STAB2: variants seen among roughly 807,000 people sequenced by gnomAD.
STAB2 encodes the protein stabilin 2.
Under a neutral mutation model 338.1 loss-of-function variants are expected in STAB2, and 288 were observed. The ratio of observed to expected loss-of-function variants is 0.85; its 90% CI spans 0.77 to 0.94. The LOEUF is 0.94. STAB2 is among the 40% of genes least tolerant of loss of function. The probability of loss-of-function intolerance (pLI) is 0.00; values close to 1 mark genes in which losing one functional copy is unlikely to be tolerated. For synonymous variants in STAB2, 1,202 were observed against 1,193.3 expected (o/e 1.01, Z -0.15); for missense variants, 3,141 against 3,210.1 (o/e 0.98, Z 0.52).
At position 103,689,872 on chromosome 12, in the gene STAB2, A is replaced by T; in HGVS notation, c.3072A>T (p.Ser1024=). The T allele has an allele frequency of 6.2e-7, 1 of 1,614,060 alleles. No homozygotes were observed. The highest frequency in any genetic ancestry group is 8.5e-7 in the Non-Finnish European group (1 of 1,179,982). ...INNASLQPTL[S]ATSNLTVLVP... ...ATGCTTCTCTACAACCCACACTGTC[A>T]GCCACCTCAAACCTCACTGTCCTCG... Residue 1024 remains serine (S), a synonymous_variant, in exon 29 of 69, where the codon TCA becomes TCT. Transcript: ENST00000388887.
At chr12:103,752,719 T>C (rs1317375259) in intron 60 of STAB2, among the ~76,000 whole-genome samples, 1 of 152,216 alleles carries the variant, frequency 6.6e-6, no homozygotes, top group East Asian at 1.9e-4. Flanking sequence ...AAAATCATGT[T>C]ACCAGAGAAA....
At chr12:103,602,146 A>C (rs1956963642) in intron 3 of STAB2, among the ~76,000 whole-genome samples, 1 of 152,198 alleles carries the variant, frequency 6.6e-6, no homozygotes, top group Admixed American at 6.5e-5. Context: ...TCCCTGGAAA[A>C]TACTAACCTG....
chr12:103,766,704 A>C lies in STAB2; in HGVS notation c.*368A>C. The C allele has an allele frequency of 5.2e-6, 1 of 191,832 alleles. No individual in the cohort carries two copies. Among genetic ancestry groups the C allele is most frequent in the Non-Finnish European group, 1.1e-5 (1 of 91,280 alleles). The allele number at this position is 191,832 out of a possible 1,614,324, so 11.9% of individuals were successfully genotyped here. A position where few individuals can be genotyped will look rare whatever the true frequency, so the allele number is the denominator to read the frequency against. ...CAGGAACTGTGCACAATAAAGGTTT[A>C]TGGAACAGAAACAAAGTCAACAGAA... On this transcript the variant is annotated 3_prime_UTR_variant, in exon 69 of 69. Transcript: ENST00000388887.
rs761394444 is a variant in STAB2, at chr12:103,740,773, C to T, written c.5881+17C>T. On this transcript the variant is annotated intron_variant, in intron 55 of 68. Coordinates refer to ENST00000388887, the MANE Select transcript of STAB2 (RefSeq NM_017564.10). Reference sequence around the variant, plus strand: ...ACTGTCAGGGTGAGGGTGCCTCTTCCCCCCTCGCAACTCTAAAAGTGGTAA... The same window carrying T: ...ACTGTCAGGGTGAGGGTGCCTCTTCTCCCCTCGCAACTCTAAAAGTGGTAA... 1 of 1,556,502 alleles carries T rather than the reference C, an allele frequency of 6.4e-7. No individual in the cohort carries two copies. Among genetic ancestry groups the T allele is most frequent in the South Asian group, 1.2e-5 (1 of 81,602 alleles).
chr12:103,728,316 G>A (rs945818994), intron 47 of STAB2, among the ~76,000 whole-genome samples: 1 of 151,858 alleles, frequency 6.6e-6, no homozygotes, highest in Non-Finnish European at 1.5e-5. Flanking sequence ...TACCATGTGG[G>A]CCAGGCTGGT....
At chr12:103,674,174 C>A in intron 23 of STAB2, 87 bp downstream of exon 23, 1 of 1,451,814 alleles carries the variant, frequency 6.9e-7, no homozygotes, top group South Asian at 1.3e-5. Context: ...TACCTGTAGA[C>A]GGAGCCAACC....
intron 60 of STAB2, among the ~76,000 whole-genome samples, chr12:103,751,550 T>C (rs1883653391): frequency 6.6e-6 from 1 of 152,144 alleles, no homozygotes; most frequent in South Asian, 2.1e-4. Context: ...GGATATTCTA[T>C]GGTCTAGGTA....
At chr12:103,678,147 T>C (rs1042901443) in intron 25 of STAB2, among the ~76,000 whole-genome samples, 1 of 152,142 alleles carries the variant, frequency 6.6e-6, no homozygotes, top group Non-Finnish European at 1.5e-5. Flanking sequence ...GTGTTTATAA[T>C]ACAAGGCTAA....
chr12:103,654,517 C>T (rs752756712), intron 12 of STAB2, 38 bp from the exon 13 acceptor site: 29 of 1,602,024 alleles, frequency 1.8e-5, no homozygotes, highest in Non-Finnish European at 2.2e-5. Context: ...TTCCAGGACA[C>T]CATAGTAATC....
chr12:103,706,705 A>C, intron 37 of STAB2, 87 bp from the exon 38 acceptor site: 2 of 1,546,932 alleles, frequency 1.3e-6, no homozygotes, highest in Non-Finnish European at 1.8e-6. Flanking sequence ...GGTGCACAAG[A>C]AGTCACCCAC....
intron 11 of STAB2, 124 bp from the exon 12 acceptor site, chr12:103,652,432 A>C: frequency 6.1e-6 from 5 of 821,912 alleles, no homozygotes; most frequent in Middle Eastern, 3.7e-4. Context: ...TTGTATTTGC[A>C]AAAGCCCAAA....
Position 103,590,994 on chromosome 12 carries a change from T to C in STAB2, c.179T>C (p.Met60Thr), listed in dbSNP as rs750928712. The C allele has an allele frequency of 4.3e-6, 7 of 1,614,116 alleles. No homozygotes were observed. Among genetic ancestry groups the C allele is most frequent in the Non-Finnish European group, 5.1e-6 (6 of 1,180,018 alleles). Residue 60 changes from methionine to threonine, a missense_variant, in exon 2 of 69, where the codon ATG becomes ACG. Transcript: ENST00000388887. ...GTCAAGTGCCCGGATGGTTACACCA[T>C]GATTACCAGTGGCTCTGTAGGGGTT... ...LGVKCPDGYT[M>T]ITSGSVGVRD...
chr12:103,637,954 T>C (rs1957575551), intron 7 of STAB2, 62 bp from the exon 8 acceptor site: 4 of 1,539,496 alleles, frequency 2.6e-6, no homozygotes, highest in Middle Eastern at 1.7e-4. Flanking sequence ...TTGCTCACGG[T>C]TCAGTTTTCC....
intron 34 of STAB2, 89 bp downstream of exon 34, chr12:103,699,316 C>G: frequency 6.8e-7 from 1 of 1,474,676 alleles, no homozygotes; most frequent in Non-Finnish European, 9.2e-7. Flanking sequence ...CTCCTGTCAT[C>G]CTTCATCACT....
chr12:103,654,525 A>G (rs1188619983), intron 12 of STAB2, 30 bp from the exon 13 acceptor site: 1 of 1,608,976 alleles, frequency 6.2e-7, no homozygotes, highest in Non-Finnish European at 8.5e-7. Context: ...CACCATAGTA[A>G]TCTTATTTTA....
chr12:103,705,540 G>C (rs972841042), intron 36 of STAB2, 92 bp from the exon 37 acceptor site: 2 of 991,108 alleles, frequency 2.0e-6, no homozygotes. Context: ...TTTAGTCAGA[G>C]AGACAGCAAT....
chr12:103,672,816 T>C (rs991582868), intron 22 of STAB2, among the ~76,000 whole-genome samples: 2 of 152,202 alleles, frequency 1.3e-5, no homozygotes, highest in Non-Finnish European at 2.9e-5. Context: ...AGGTTTAAAA[T>C]GATAACGGTG....
intron 50 of STAB2, 143 bp from the exon 51 acceptor site, chr12:103,732,863 C>G (rs1290096030): frequency 2.3e-6 from 2 of 887,740 alleles, no homozygotes; most frequent in Non-Finnish European, 3.3e-6. Flanking sequence ...CTTCTAGTTT[C>G]TCTAGCTGCA....
At chr12:103,735,307 C>T (rs993680091) in intron 51 of STAB2, among the ~76,000 whole-genome samples, 184 bp from the exon 52 acceptor site, 1 of 152,200 alleles carries the variant, frequency 6.6e-6, no homozygotes, top group Non-Finnish European at 1.5e-5. Context: ...AAGGAATTTC[C>T]AACCTCCCAG....
Sources: allele counts gnomAD v4.1 joint callset (sites outside exome capture counted in the v4.1 genomes callset), GRCh38; gene constraint gnomAD v4.1.1; transcripts MANE v1.5; gene names NCBI Gene and HGNC (gene_info 2026-07-23, HGNC 2026-07-21).